NCKAP1: variants seen among roughly 807,000 people sequenced by gnomAD.
NCKAP1 encodes the protein nck-associated protein 1.
A neutral mutation model predicts 151.2 loss-of-function variants in NCKAP1; 21 were observed. The observed-to-expected ratio is 0.14, with a 90% confidence interval of 0.10 to 0.20. The LOEUF is 0.20. NCKAP1 is among the 10% of genes least tolerant of loss of function. The probability of loss-of-function intolerance (pLI) is 1.00; values close to 1 mark genes in which losing one functional copy is unlikely to be tolerated. For synonymous variants in NCKAP1, 484 were observed against 451.8 expected (o/e 1.07, Z -0.90); for missense variants, 933 against 1,352.1 (o/e 0.69, Z 4.86).
In NCKAP1 at chr2:182,935,299, A is replaced by T; in HGVS notation, c.2772T>A (p.Leu924=). ...LSFRSLAQEA[L]RDVLSYHIPF... Reference sequence around the variant, plus strand: ...ACTTGTAATGGTTTCTTACATCTCTAAGTGCTTCTTGTGCCAATGATCGGA... The same window carrying T: ...ACTTGTAATGGTTTCTTACATCTCTTAGTGCTTCTTGTGCCAATGATCGGA... The change falls in exon 25 of 31, where the codon CTT becomes CTA. Residue 924 remains leucine (L), a synonymous_variant. Transcript: ENST00000361354. The T allele has an allele frequency of 6.3e-7, 1 of 1,582,992 alleles. No homozygotes were observed.
chr2:183,015,616 A>G (rs926981871), intron 2 of NCKAP1, among the ~76,000 whole-genome samples: 6 of 152,072 alleles, frequency 3.9e-5, no homozygotes, highest in Non-Finnish European at 7.4e-5. Flanking sequence ...TTTTAAGTAA[A>G]TGACAGAATT....
Position 182,926,867 on chromosome 2 carries a change from T to A in NCKAP1, c.3219A>T (p.Thr1073=). 1 of 1,607,132 alleles carries A rather than the reference T, an allele frequency of 6.2e-7. No individual in the cohort carries two copies. Among genetic ancestry groups the A allele is most frequent in the Non-Finnish European group, 8.5e-7 (1 of 1,175,540 alleles). ...CTCTATTTCTTGTTGTAGTTTTATC[T>A]GTCTCCTGGCCAATTTTCAGTAGAC... The part of the protein sequence containing the change: ...SSSLLKIGQE[T]DKTTTRNRES... The change falls in exon 30 of 31, where the codon ACA becomes ACT. Residue 1073 remains threonine (T), a synonymous_variant. Coordinates refer to ENST00000361354, the MANE Select transcript of NCKAP1 (RefSeq NM_013436.5).
intron 26 of NCKAP1, among the ~76,000 whole-genome samples, chr2:182,932,700 T>C (rs1216128719): frequency 6.6e-6 from 1 of 152,096 alleles, no homozygotes; most frequent in Non-Finnish European, 1.5e-5. Context: ...ATTGAAAGTT[T>C]GCTGGAAACT....
At chr2:182,981,514 C>T (rs1283931264) in intron 12 of NCKAP1, 138 bp from the exon 13 acceptor site, 3 of 528,900 alleles carry the variant, frequency 5.7e-6, no homozygotes, top group Non-Finnish European at 9.5e-6. Context: ...CAATTACTTC[C>T]TTTTTAAATC....
At chr2:182,994,435 C>T (rs964407429) in intron 8 of NCKAP1, among the ~76,000 whole-genome samples, 27 of 151,866 alleles carry the variant, frequency 1.8e-4, no homozygotes, top group African/African-American at 6.0e-4. Flanking sequence ...GTCAGGAGTT[C>T]GAGACCAGCC....
At position 182,962,183 on chromosome 2, in the gene NCKAP1, T is replaced by A. The variant is rs146021474; in HGVS notation, c.1857A>T (p.Thr619=). 9 of 1,612,636 alleles carry A rather than the reference T, an allele frequency of 5.6e-6. No individual in the cohort carries two copies. The African/African-American group carries it at 1.1e-4, about 19-fold the overall frequency. The change falls in exon 18 of 31, where the codon ACA becomes ACT. Residue 619 remains threonine, a synonymous_variant. Transcript: ENST00000361354. ...CCTGGTCACTAAGGGTACACTGTTC[T>A]GTGCAAATATCAGTGATGAGATTTC... ...QARNLITDIC[T]EQCTLSDQLL...
chr2:183,037,091 T>C (rs928370512), intron 1 of NCKAP1, among the ~76,000 whole-genome samples: 6 of 152,202 alleles, frequency 3.9e-5, no homozygotes, highest in African/African-American at 1.4e-4. Context: ...TGTTCTATCT[T>C]TACATGGACT....
intron 15 of NCKAP1, among the ~76,000 whole-genome samples, chr2:182,975,764 G>A (rs963740865): frequency 6.6e-6 from 1 of 151,926 alleles, no homozygotes; most frequent in African/African-American, 2.4e-5. Context: ...AATTAGCTGG[G>A]TGTGGTGGCT....
chr2:182,984,423 G>GTGTGTGTGTGTGTGTGTGTGTGTGTGT (rs1553515251), intron 10 of NCKAP1, among the ~76,000 whole-genome samples: 2 of 144,282 alleles, frequency 1.4e-5, no homozygotes, highest in Non-Finnish European at 3.1e-5. Context: ...TTTAGATTGG[G>GTGTGTGTGTGTGTGTGTGTGTGTGTGT]GTGTGTGTGT....
At chr2:183,008,876 T>G (rs1698532911) in intron 2 of NCKAP1, among the ~76,000 whole-genome samples, 1 of 152,184 alleles carries the variant, frequency 6.6e-6, no homozygotes, top group African/African-American at 2.4e-5. Flanking sequence ...GACTGACATA[T>G]GCATATCAAA....
chr2:183,022,186 A>C (rs1358790258), intron 2 of NCKAP1, among the ~76,000 whole-genome samples: 1 of 152,178 alleles, frequency 6.6e-6, no homozygotes, highest in African/African-American at 2.4e-5. Flanking sequence ...GCATATTCTC[A>C]CATATAAGTT....
At chr2:183,034,250 T>C (rs148443945) in intron 1 of NCKAP1, among the ~76,000 whole-genome samples, 215 of 151,946 alleles carry the variant, frequency 1.4e-3, no homozygotes, top group African/African-American at 4.8e-3. Context: ...CCTTAGAAAA[T>C]AAATTTATCC....
In NCKAP1 at chr2:182,959,865, C is replaced by T. The variant is rs895104725; in HGVS notation, c.1882-2269G>A. Among the ~76,000 whole-genome samples the T allele has an allele frequency of 1.2e-4, 18 of 152,100 alleles. 1 individual carries two copies. Among genetic ancestry groups the T allele is most frequent in the Admixed American group, 9.8e-4 (15 of 15,264 alleles). ...CATTGTCTCAGCCCAAAATCTCAAG[C>T]TGATAGGCAACTTCAGCAAAGTCTC... On this transcript the variant is annotated intron_variant, in intron 18 of 30. Transcript: ENST00000361354.
At chr2:183,003,502 G>A (rs1698411051) in intron 2 of NCKAP1, among the ~76,000 whole-genome samples, 177 bp from the exon 3 acceptor site, 1 of 152,054 alleles carries the variant, frequency 6.6e-6, no homozygotes, top group African/African-American at 2.4e-5. Context: ...ATAGTGATCA[G>A]CAACTGACAG....
intron 17 of NCKAP1, among the ~76,000 whole-genome samples, chr2:182,962,855 T>C (rs1697485003): frequency 6.6e-6 from 1 of 151,532 alleles, no homozygotes; most frequent in African/African-American, 2.4e-5. Flanking sequence ...CATGCATCCA[T>C]CTCTACAGGA....
At chr2:183,006,083 G>C (rs1354187550) in intron 2 of NCKAP1, among the ~76,000 whole-genome samples, 1 of 152,140 alleles carries the variant, frequency 6.6e-6, no homozygotes, top group Non-Finnish European at 1.5e-5. Context: ...ATATCATACA[G>C]TTCTGGACAA....
chr2:183,001,413 C>T (rs1465626518), intron 6 of NCKAP1, among the ~76,000 whole-genome samples: 1 of 152,138 alleles, frequency 6.6e-6, no homozygotes, highest in East Asian at 1.9e-4. Context: ...TTTTTAATAT[C>T]TCTTAAAAGA....
rs527334677 is a variant in NCKAP1 at position 182,918,401 on chromosome 2, C to T, written c.*7301G>A. 5 of 152,214 alleles carry T rather than the reference C, an allele frequency of 3.3e-5. No individual in the cohort carries two copies. The South Asian group carries it at 1.0e-3, about 32-fold the overall frequency. 9.4% of individuals were successfully genotyped at this position (152,214 alleles called of 1,614,324 possible). A position where few individuals can be genotyped will look rare whatever the true frequency, so the allele number is the denominator to read the frequency against. ...CTGCATGTGTATATTTATTGCAGCA[C>T]AATTCATAACTGCAAAGATATGGAA... On this transcript the variant is annotated 3_prime_UTR_variant, in exon 31 of 31. Coordinates refer to ENST00000361354, the MANE Select transcript of NCKAP1 (RefSeq NM_013436.5).
At chr2:182,982,579 C>A (rs990550458) in intron 12 of NCKAP1, among the ~76,000 whole-genome samples, 1 of 152,136 alleles carries the variant, frequency 6.6e-6, no homozygotes, top group Non-Finnish European at 1.5e-5. Flanking sequence ...GATAAACAAC[C>A]TATACTCTTC....
Sources: gnomAD v4.1 joint callset for allele counts (sites outside exome capture counted in the v4.1 genomes callset) on GRCh38, gnomAD v4.1.1 for gene constraint, MANE v1.5 for transcripts, NCBI Gene and HGNC (gene_info 2026-07-23, HGNC 2026-07-21) for gene names.